UNC80: variants seen among roughly 807,000 people sequenced by gnomAD.
UNC80 encodes unc-80 subunit of NALCN channel complex, also known as protein unc-80 homolog.
UNC80 carries 164 observed loss-of-function variants against 384.6 expected under a neutral mutation model. The ratio of observed to expected loss-of-function variants is 0.43; its 90% CI spans 0.38 to 0.49. UNC80 has a LOEUF of 0.49. UNC80 is among the 20% of genes least tolerant of loss of function. The probability of loss-of-function intolerance (pLI) is 0.00; values close to 1 mark genes in which losing one functional copy is unlikely to be tolerated. For missense variants in UNC80, 3,330 were observed against 4,143.0 expected (o/e 0.80, Z 5.39); for synonymous variants, 1,486 against 1,527.8 (o/e 0.97, Z 0.64).
At chr2:209,922,105 T>G (rs2090083445) in intron 34 of UNC80, 147 bp from the exon 35 acceptor site, 2 of 1,049,800 alleles carry the variant, frequency 1.9e-6, no homozygotes, top group South Asian at 2.2e-5. Flanking sequence ...GCTTTTTTAA[T>G]TTTTATTTTT....
In UNC80 at chr2:209,872,148, T is replaced by A. The variant is rs1403192611; in HGVS notation, c.3628-610T>A. Among the ~76,000 whole-genome samples the A allele has an allele frequency of 6.6e-6, 1 of 152,098 alleles. No individual in the cohort carries two copies. On this transcript the variant is annotated intron_variant, in intron 22 of 64. Coordinates refer to ENST00000673920, the MANE Select transcript of UNC80 (RefSeq NM_001371986.1). This position sits in a 1 kb window ranked among gnomAD's most constrained non-coding sequence, Gnocchi z 4.1. ...CTGGGACTACAAGCACGCTCCACCA[T>A]GCCTGACTAATTTTTTGTATTTTTA...
chr2:209,954,071 T>C, intron 47 of UNC80, 29 bp from the exon 48 acceptor site: 1 of 1,534,506 alleles, frequency 6.5e-7, no homozygotes, highest in Non-Finnish European at 8.8e-7. Flanking sequence ...ATGTAAAAGG[T>C]GACTCGGTTT....
At chr2:209,904,557 C>G (rs1214293353) in intron 28 of UNC80, among the ~76,000 whole-genome samples, 1 of 152,204 alleles carries the variant, frequency 6.6e-6, no homozygotes, top group African/African-American at 2.4e-5. Flanking sequence ...TCAAAGAGAT[C>G]CTTCTATCAA....
chr2:209,956,724 C>G (rs2092432763), intron 48 of UNC80, among the ~76,000 whole-genome samples: 1 of 152,164 alleles, frequency 6.6e-6, no homozygotes, highest in Non-Finnish European at 1.5e-5. Context: ...AGAGAAGACT[C>G]TCTGCTTTTG....
At chr2:209,950,683 C>T (rs1251555919) in intron 47 of UNC80, among the ~76,000 whole-genome samples, 2 of 151,804 alleles carry the variant, frequency 1.3e-5, no homozygotes, top group African/African-American at 2.4e-5. Context: ...CTCAGCCTCC[C>T]GAGTAGCTGG....
At chr2:209,898,947 G>A (rs988106377) in intron 28 of UNC80, among the ~76,000 whole-genome samples, 1 of 152,118 alleles carries the variant, frequency 6.6e-6, no homozygotes, top group Non-Finnish European at 1.5e-5. Flanking sequence ...CAAATGACAG[G>A]ATCTCATTCT....
At chr2:209,907,323 C>A (rs1164108535) in intron 29 of UNC80, among the ~76,000 whole-genome samples, 1 of 148,934 alleles carries the variant, frequency 6.7e-6, no homozygotes, top group Non-Finnish European at 1.5e-5. Flanking sequence ...ACAGTTTGTA[C>A]CCCCATATAC....
chr2:209,985,412 A>T (rs2093266555), intron 61 of UNC80, among the ~76,000 whole-genome samples: 1 of 152,234 alleles, frequency 6.6e-6, no homozygotes, highest in South Asian at 2.1e-4. Flanking sequence ...TATATACTAT[A>T]ATTCCTTCTC....
rs1464184782 is a variant in UNC80 at position 209,922,628 on chromosome 2, G to A, written c.5662+245G>A. ...ATGTAATCATATTGCTGAGGGTTCA[G>A]AATACATCATTCTAGACAGTTAATA... On this transcript the variant is annotated intron_variant, in intron 35 of 64. Coordinates refer to ENST00000673920, the MANE Select transcript of UNC80 (RefSeq NM_001371986.1). Among the ~76,000 whole-genome samples the A allele has an allele frequency of 2.6e-5, 4 of 152,228 alleles. No individual in the cohort carries two copies. In the East Asian group the frequency reaches 7.7e-4, roughly 29 times the overall value.
At chr2:209,780,022 A>G (rs2077068108) in intron 4 of UNC80, among the ~76,000 whole-genome samples, 1 of 152,222 alleles carries the variant, frequency 6.6e-6, no homozygotes. Flanking sequence ...ATAAATTTAT[A>G]GGGCATTGTG....
chr2:209,774,494 C>T (rs2076756812), intron 2 of UNC80, among the ~76,000 whole-genome samples: 2 of 151,914 alleles, frequency 1.3e-5, no homozygotes, highest in South Asian at 4.2e-4. Flanking sequence ...ATATATATCT[C>T]AATATAGAAA....
chr2:209,934,661 C>T lies in UNC80; in HGVS notation c.6178+656C>T, dbSNP rs533395862. On this transcript the variant is annotated intron_variant, in intron 39 of 64. Transcript: ENST00000673920. ...AAAAAAGCCTGTGTTTAAATCATAG[C>T]ACTGTCATTTATTAGTCACATAACT... Among the ~76,000 whole-genome samples, 5 of 152,282 alleles carry T rather than the reference C, an allele frequency of 3.3e-5. No individual in the cohort carries two copies. In the East Asian group the frequency reaches 7.7e-4, roughly 23 times the overall value.
At chr2:209,968,383 A>C (rs904072174) in intron 52 of UNC80, 1 of 152,158 alleles carries the variant, frequency 6.6e-6, no homozygotes, top group African/African-American at 2.4e-5. Context: ...CTTTTAAACT[A>C]AACCCAAAAA....
At chr2:209,925,486 C>T (rs1347835268) in intron 35 of UNC80, among the ~76,000 whole-genome samples, 1 of 152,170 alleles carries the variant, frequency 6.6e-6, no homozygotes, top group Non-Finnish European at 1.5e-5. Flanking sequence ...GGAAGGGGAC[C>T]CAAGCGGGTT....
chr2:209,912,984 C>G (rs1403902915), intron 30 of UNC80, among the ~76,000 whole-genome samples: 1 of 152,186 alleles, frequency 6.6e-6, no homozygotes, highest in Non-Finnish European at 1.5e-5. Context: ...ATGAGACAGT[C>G]TGGGTTCATA....
In UNC80 at chr2:209,912,766, G is replaced by T. The variant is rs1346985017; in HGVS notation, c.4890+99G>T. On this transcript the variant is annotated intron_variant, in intron 30 of 64. Coordinates refer to ENST00000673920, the MANE Select transcript of UNC80 (RefSeq NM_001371986.1). ...TGTTTGGGACATACAACATCAGTTGGTACAGTGTTGGCATAAAGCCCCTTC... is the reference window on the plus strand; with the variant it reads ...TGTTTGGGACATACAACATCAGTTGTTACAGTGTTGGCATAAAGCCCCTTC... The T allele has an allele frequency of 5.1e-6, 4 of 786,314 alleles. No individual in the cohort carries two copies. In the South Asian group the frequency reaches 7.6e-5, roughly 15 times the overall value. The allele number at this position is 786,314 out of a possible 1,614,324, so 48.7% of individuals were successfully genotyped here. A position where few individuals can be genotyped will look rare whatever the true frequency, so the allele number is the denominator to read the frequency against.
chr2:209,909,612 C>T (rs2088675131), intron 29 of UNC80, among the ~76,000 whole-genome samples: 1 of 152,154 alleles, frequency 6.6e-6, no homozygotes, highest in Non-Finnish European at 1.5e-5. Context: ...TTCCCTAGGA[C>T]AGGAATTTGA....
chr2:209,863,642 T>A (rs1465456542), intron 22 of UNC80, among the ~76,000 whole-genome samples: 2 of 151,972 alleles, frequency 1.3e-5, no homozygotes, highest in African/African-American at 2.4e-5. Flanking sequence ...TTGATACTTG[T>A]GTGTGCTTCA....
chr2:209,788,635 CTA>C (rs1450234002), intron 5 of UNC80, among the ~76,000 whole-genome samples: 3 of 147,172 alleles, frequency 2.0e-5, no homozygotes, highest in East Asian at 2.0e-4. Flanking sequence ...AAATATATGA[CTA>C]TATTAAAAAG....
Sources: allele counts gnomAD v4.1 joint callset (sites outside exome capture counted in the v4.1 genomes callset), GRCh38; gene constraint gnomAD v4.1.1; non-coding constraint Gnocchi (gnomAD v3.1); transcripts MANE v1.5; gene names NCBI Gene and HGNC (gene_info 2026-07-23, HGNC 2026-07-21).